The following TP53I13 variants were observed in gnomAD, a reference collection of about 807,000 sequenced individuals.
TP53I13 encodes tumor protein p53 inducible protein 13.
TP53I13 carries 27 observed loss-of-function variants against 39.1 expected under a neutral mutation model. The ratio of observed to expected loss-of-function variants is 0.69; its 90% CI spans 0.51 to 0.95. TP53I13 has a LOEUF of 0.95. Among genes scored for constraint, TP53I13 ranks in the 40% least tolerant of loss-of-function variants. TP53I13 has a pLI of 0.00. For missense variants in TP53I13, 544 were observed against 520.4 expected (o/e 1.05, Z -0.44); for synonymous variants, 230 against 224.6 (o/e 1.02, Z -0.22).
downstream of TP53I13, chr17:29,577,781 C>T: frequency 1.5e-6 from 2 of 1,309,558 alleles, no homozygotes; most frequent in South Asian, 1.2e-5. Flanking sequence ...CCACGGTGGC[C>T]AGGCCCCCAA....
intron 3 of TP53I13, among the ~76,000 whole-genome samples, chr17:29,570,193 A>C (rs2032873245): frequency 7.4e-6 from 1 of 134,670 alleles, no homozygotes; most frequent in African/African-American, 2.7e-5. Context: ...GGTGTGAGCC[A>C]CCATGCCTGG....
At chr17:29,575,173 G>A (rs756503801), downstream of TP53I13, 48 of 1,572,560 alleles carry the variant, frequency 3.1e-5, no homozygotes, top group Non-Finnish European at 3.7e-5. This position sits in a 1 kb window ranked among gnomAD's most constrained non-coding sequence, Gnocchi z 5.5. Flanking sequence ...ATAAAGCAGG[G>A]GGCTCTCAAG....
downstream of TP53I13, chr17:29,576,904 G>T (rs767530609): frequency 1.9e-6 from 3 of 1,578,614 alleles, no homozygotes; most frequent in Non-Finnish European, 2.6e-6. Context: ...CTGCGCAGGG[G>T]CTCCTGGTCT....
chr17:29,575,879 G>A (rs762974646), downstream of TP53I13: 2 of 1,610,236 alleles, frequency 1.2e-6, no homozygotes, highest in Admixed American at 1.7e-5. The surrounding 1 kb of genome is among the most constrained non-coding windows in gnomAD (Gnocchi z 5.5). Flanking sequence ...CACAGCTGAG[G>A]CAGACACCCC....
the TP53I13 span, chr17:29,581,524 G>T: frequency 6.8e-6 from 5 of 735,780 alleles, no homozygotes; most frequent in South Asian, 7.7e-5. The surrounding 1 kb of genome is among the most constrained non-coding windows in gnomAD (Gnocchi z 4.8). Context: ...AAGAATGCTG[G>T]GAGCTCGTGG....
the TP53I13 span, among the ~76,000 whole-genome samples, chr17:29,580,663 A>G: frequency 2.0e-5 from 3 of 151,996 alleles, no homozygotes; most frequent in East Asian, 5.8e-4. Flanking sequence ...CCTGAAGCCC[A>G]CCCATCTTTT....
chr17:29,579,354 C>A, the TP53I13 span: 1 of 309,826 alleles, frequency 3.2e-6, no homozygotes, highest in South Asian at 4.8e-5. Context: ...ACCCAGCAGC[C>A]AGGGTGATTT....
At chr17:29,574,309 C>T (rs2033102543), downstream of TP53I13, 2 of 257,122 alleles carry the variant, frequency 7.8e-6, no homozygotes, top group Non-Finnish European at 1.5e-5. Context: ...GCTCAGCCCC[C>T]AGTAGGGCTG....
chr17:29,575,823 T>G (rs756664190), downstream of TP53I13: 5 of 1,612,704 alleles, frequency 3.1e-6, no homozygotes, highest in Admixed American at 8.4e-5. The surrounding 1 kb of genome is among the most constrained non-coding windows in gnomAD (Gnocchi z 5.5). Flanking sequence ...GTGTGGCGGC[T>G]TCCCTCCTGG....
chr17:29,581,406 C>A, the TP53I13 span: 2 of 1,594,146 alleles, frequency 1.3e-6, no homozygotes, highest in South Asian at 2.2e-5. This position sits in a 1 kb window ranked among gnomAD's most constrained non-coding sequence, Gnocchi z 4.8. Flanking sequence ...AATGCCAAGT[C>A]ACTCACTAGT....
At chr17:29,574,519 C>CA (rs35948647), downstream of TP53I13, 155,688 of 661,324 alleles carry the variant, frequency 0.24, 19,475 homozygotes, top group African/African-American at 0.28. Context: ...CCTGCCCCCC[C>CA]ACCTCCCCAT....
chr17:29,582,267 CTA>C, the TP53I13 span: 4 of 694,358 alleles, frequency 5.8e-6, no homozygotes, highest in South Asian at 1.7e-5. Flanking sequence ...CCAAACCAGA[CTA>C]TGTCGGGAGG....
Position 29,571,601 on chromosome 17 carries a change from T to A in TP53I13, c.194T>A (p.Val65Asp). The A allele has an allele frequency of 1.2e-6, 2 of 1,613,960 alleles. No individual in the cohort carries two copies. The highest frequency in any genetic ancestry group is 1.7e-6 in the Non-Finnish European group (2 of 1,179,994). ...TRVSPGQAED[V>D]TFLYHPCAHP... is the part of the protein sequence containing the mutation. ...GTGCCTTTCCTCCAGGCTGAGGATG[T>A]CACCTTCCTCTACCACCCCTGTGCC... The change falls in exon 4 of 7, where the codon GTC becomes GAC. Residue 65 changes from valine (V) to aspartate (D), a missense_variant. By Grantham distance (152) the Val-to-Asp change is radical (BLOSUM62 -3). Coordinates refer to ENST00000301057, the MANE Select transcript of TP53I13 (RefSeq NM_138349.4).
the TP53I13 span, among the ~76,000 whole-genome samples, chr17:29,580,171 G>C: frequency 9.2e-5 from 14 of 152,230 alleles, no homozygotes; most frequent in African/African-American, 3.4e-4. Flanking sequence ...TTGTGTCTCA[G>C]CTGCCTCTGT....
rs761327650 is a variant in TP53I13, at chr17:29,572,559, G to T, written c.931G>T (p.Ala311Ser). Residue 311 changes from alanine to serine, a missense_variant, in exon 6 of 7, where the codon GCC becomes TCC. Physicochemically the swap from Ala to Ser is moderately conservative, Grantham distance 99. Transcript: ENST00000301057. Reference sequence around the variant, plus strand: ...CCCCACCCCACGCACTGAAGAGGCCGCCTGGGCTGCCATGGCCCTGACCTT... The same window carrying T: ...CCCCACCCCACGCACTGAAGAGGCCTCCTGGGCTGCCATGGCCCTGACCTT... ...RGPTPRTEEA[A>S]WAAMALTFLL... The T allele has an allele frequency of 2.2e-5, 36 of 1,600,264 alleles. No individual in the cohort carries two copies. Among genetic ancestry groups the T allele is most frequent in the Non-Finnish European group, 3.0e-5 (35 of 1,174,284 alleles).
chr17:29,568,779 G>T lies in TP53I13; in HGVS notation c.21G>T (p.Ser7=), dbSNP rs757861855. The part of the protein sequence containing the change: MAPPPP[S]PQLLLLAALA... ...TTGGAATGGCGCCTCCTCCGCCTTC[G>T]CCCCAACTGCTTCTCCTGGCAGCCC... Residue 7 remains serine, a synonymous_variant, in exon 1 of 7, where the codon TCG becomes TCT. Transcript: ENST00000301057. This position sits in a 1 kb window ranked among gnomAD's most constrained non-coding sequence, Gnocchi z 4.5. 16 of 1,594,992 alleles carry T rather than the reference G, an allele frequency of 1.0e-5. No individual in the cohort carries two copies. The highest frequency in any genetic ancestry group is 1.4e-5 in the Non-Finnish European group (16 of 1,177,958).
chr17:29,567,107 C>G (rs1399697529), upstream of TP53I13: 4 of 639,038 alleles, frequency 6.3e-6, no homozygotes, highest in African/African-American at 7.8e-5. The surrounding 1 kb of genome is among the most constrained non-coding windows in gnomAD (Gnocchi z 6.6). Flanking sequence ...TGGCCGTGGC[C>G]GGGCAGAGGC....
downstream of TP53I13, chr17:29,576,686 G>C (rs374201129): frequency 6.2e-7 from 1 of 1,613,642 alleles, no homozygotes; most frequent in African/African-American, 1.3e-5. Context: ...TGCAGAGAGA[G>C]ACCTAAGCTG....
rs1487296981 is a variant in TP53I13, at chr17:29,572,700, G to T, written c.1069+3G>T. 1.3e-6 allele frequency: 2 copies of T among 1,535,552 alleles called. No individual in the cohort carries two copies. Among genetic ancestry groups the T allele is most frequent in the African/African-American group, 1.4e-5 (1 of 72,988 alleles). Reference sequence around the variant, plus strand: ...GGACAGCCAGGACACAGTGGCTGGTGAGGAGTTCCCTCCCTACCCTACCCG... The same window carrying T: ...GGACAGCCAGGACACAGTGGCTGGTTAGGAGTTCCCTCCCTACCCTACCCG... On this transcript the variant is annotated splice_donor_region_variant and intron_variant, in intron 6 of 6. Transcript: ENST00000301057.
Sources: gnomAD v4.1 joint callset for allele counts (sites outside exome capture counted in the v4.1 genomes callset) on GRCh38, gnomAD v4.1.1 for gene constraint, Gnocchi (gnomAD v3.1) non-coding constraint, MANE v1.5 for transcripts, NCBI Gene and HGNC (gene_info 2026-07-23, HGNC 2026-07-21) for gene names.